Variants in TLK2 observed in about 807,000 individuals in gnomAD.
The protein encoded by TLK2 is tousled like kinase 2, also known as serine/threonine-protein kinase tousled-like 2.
In TLK2, 6 loss-of-function variants were observed where a neutral mutation model predicts 117.3. The ratio of observed to expected loss-of-function variants is 0.05; its 90% confidence interval spans 0.03 to 0.10. TLK2 has a LOEUF of 0.10. TLK2 is among the 10% of genes least tolerant of loss of function. The pLI is 1.00. For synonymous variants in TLK2, 257 were observed against 316.7 expected, an observed-to-expected ratio of 0.81 and a Z score of 2.00; for missense variants, 299 against 901.2, an observed-to-expected ratio of 0.33 and a Z score of 8.56.
intron 6 of TLK2, 88 bp from the exon 7 acceptor site, chr17:62,536,082 T>C (rs2077094232): frequency 6.9e-7 from 1 of 1,448,714 alleles, no homozygotes; most frequent in African/African-American, 1.4e-5. Flanking sequence ...CATCTTATAT[T>C]TGATAACTGT....
At chr17:62,547,588 A>G (rs2078045636) in intron 7 of TLK2, among the ~76,000 whole-genome samples, 1 of 152,190 alleles carries the variant, frequency 6.6e-6, no homozygotes, top group Non-Finnish European at 1.5e-5. Context: ...GAATTTCCTA[A>G]CTGCCAACGT....
intron 11 of TLK2, among the ~76,000 whole-genome samples, chr17:62,565,666 A>AAG (rs1555639813): frequency 6.6e-6 from 1 of 151,652 alleles, no homozygotes; most frequent in African/African-American, 2.4e-5. Flanking sequence ...AAAAAAAAAA[A>AAG]AAAGAATGAG....
intron 7 of TLK2, among the ~76,000 whole-genome samples, chr17:62,541,178 A>G (rs2077505234): frequency 6.6e-6 from 1 of 151,768 alleles, no homozygotes; most frequent in Admixed American, 6.6e-5. Flanking sequence ...CACCCATCCC[A>G]CCTGTTACTG....
intron 15 of TLK2, 67 bp downstream of exon 15, chr17:62,580,259 A>C: frequency 8.4e-7 from 1 of 1,194,232 alleles, no homozygotes; most frequent in Non-Finnish European, 1.2e-6. Context: ...CTTGGAGAAC[A>C]TTAAGAATAC....
chr17:62,532,087 T>C (rs2076778427), intron 6 of TLK2, among the ~76,000 whole-genome samples: 1 of 152,208 alleles, frequency 6.6e-6, no homozygotes, highest in South Asian at 2.1e-4. Context: ...GTACTTCTTT[T>C]ACCTGTCTTA....
chr17:62,532,698 T>C (rs1209207138), intron 6 of TLK2, among the ~76,000 whole-genome samples: 1 of 152,210 alleles, frequency 6.6e-6, no homozygotes, highest in Non-Finnish European at 1.5e-5. Context: ...TATACATGTA[T>C]GTTTATATAA....
intron 16 of TLK2, among the ~76,000 whole-genome samples, chr17:62,593,791 A>ATT (rs1387305200): frequency 7.6e-4 from 102 of 134,736 alleles, no homozygotes; most frequent in Middle Eastern, 8.0e-3. Context: ...TACACTCTAA[A>ATT]TTTTTTTTTT....
chr17:62,485,511 CAAATTTTTAATTTTCTTGCATAGTGT>C (rs2072236659), intron 2 of TLK2, among the ~76,000 whole-genome samples: 1 of 151,926 alleles, frequency 6.6e-6, no homozygotes, highest in South Asian at 2.1e-4. Flanking sequence ...TTGCATAGTG[CAAATTTTTAATTTTCTTGCATAGTGT>C]GTTTATAGGT....
At chr17:62,512,037 A>G (rs1357340447) in intron 2 of TLK2, among the ~76,000 whole-genome samples, 1 of 152,152 alleles carries the variant, frequency 6.6e-6, no homozygotes, top group Admixed American at 6.6e-5. Context: ...AATATATGTA[A>G]GTGATTCAGT....
At chr17:62,488,540 A>G (rs1457322264) in intron 2 of TLK2, among the ~76,000 whole-genome samples, 1 of 152,134 alleles carries the variant, frequency 6.6e-6, no homozygotes, top group East Asian at 1.9e-4. Flanking sequence ...CTGTGGATTA[A>G]TTTACTTTAG....
chr17:62,594,298 G>T (rs895836040), intron 16 of TLK2, among the ~76,000 whole-genome samples: 52 of 152,068 alleles, frequency 3.4e-4, no homozygotes, highest in African/African-American at 1.2e-3. Flanking sequence ...ATCCCAGCTA[G>T]TTGGGAGGCT....
intron 2 of TLK2, chr17:62,516,264 CTTT>C (rs34931247): frequency 8.6e-3 from 6,015 of 698,260 alleles, no homozygotes; most frequent in Middle Eastern, 9.7e-3. Context: ...AGTTTTAGTT[CTTT>C]TTTTTTTTTT....
upstream of TLK2, among the ~76,000 whole-genome samples, chr17:62,476,043 T>C (rs2071036266): frequency 1.3e-5 from 2 of 152,070 alleles, no homozygotes; most frequent in African/African-American, 2.4e-5. Context: ...AGTGGTGCCA[T>C]CTTGGCTCAC....
At chr17:62,523,052 TACTG>T (rs1421843479) in intron 4 of TLK2, 78 bp from the exon 5 acceptor site, 1 of 1,351,744 alleles carries the variant, frequency 7.4e-7, no homozygotes, top group Admixed American at 2.8e-5. Flanking sequence ...TGTATGTAGT[TACTG>T]AATGTATAGT....
chr17:62,518,912 C>G (rs1385015136), intron 2 of TLK2, among the ~76,000 whole-genome samples: 1 of 152,128 alleles, frequency 6.6e-6, no homozygotes, highest in Non-Finnish European at 1.5e-5. Flanking sequence ...GGTCTTGGCT[C>G]TGTCACCCAG....
At position 62,552,412 on chromosome 17, in the gene TLK2, G is replaced by T. The variant is rs770451777; in HGVS notation, c.627+15G>T. 4 of 1,614,026 alleles carry T rather than the reference G, an allele frequency of 2.5e-6. No homozygotes were observed. The highest frequency in any genetic ancestry group is 2.5e-6 in the Non-Finnish European group (3 of 1,179,948). Reference sequence around the variant, plus strand: ...GACAGACCCAGGTAGGTTGGTGATCGATAATCAATTGAGGGGCATACCTGC... The same window carrying T: ...GACAGACCCAGGTAGGTTGGTGATCTATAATCAATTGAGGGGCATACCTGC... On this transcript the variant is annotated intron_variant, in intron 8 of 21. Transcript: ENST00000346027.
At chr17:62,565,281 G>C in intron 11 of TLK2, 144 bp downstream of exon 11, 1 of 1,053,272 alleles carries the variant, frequency 9.5e-7, no homozygotes, top group Non-Finnish European at 1.3e-6. Flanking sequence ...GGAAAGAAAT[G>C]TATCGAATGA....
chr17:62,574,240 G>T, intron 12 of TLK2: 1 of 1,457,338 alleles, frequency 6.9e-7, no homozygotes, highest in East Asian at 2.5e-5. Flanking sequence ...TAGTGAGAAA[G>T]ATGGCTTAAC....
chr17:62,478,519 C>T (rs1360294530), upstream of TLK2, among the ~76,000 whole-genome samples: 1 of 149,786 alleles, frequency 6.7e-6, no homozygotes, highest in Non-Finnish European at 1.5e-5. Flanking sequence ...CCCCGGGCCG[C>T]CGGACCTCCC....
Sources: gnomAD v4.1 joint callset for allele counts (sites outside exome capture counted in the v4.1 genomes callset) on GRCh38, gnomAD v4.1.1 for gene constraint, MANE v1.5 for transcripts, NCBI Gene and HGNC (gene_info 2026-07-23, HGNC 2026-07-21) for gene names.